Variants in TOP1 observed in about 807,000 individuals in gnomAD.
The protein encoded by TOP1 is DNA topoisomerase 1.
A neutral mutation model predicts 111.1 loss-of-function variants in TOP1; 10 were observed. The ratio of observed to expected loss-of-function variants is 0.09; its 90% CI spans 0.06 to 0.15. The LOEUF (loss-of-function observed/expected upper bound fraction) is 0.15. Among genes scored for constraint, TOP1 ranks in the 10% least tolerant of loss-of-function variants. The probability of loss-of-function intolerance (pLI) is 1.00; values close to 1 mark genes in which losing one functional copy is unlikely to be tolerated. For synonymous variants in TOP1, 271 were observed against 302.9 expected, an observed-to-expected ratio of 0.89 and a Z score of 1.10; for missense variants, 474 against 926.7, an observed-to-expected ratio of 0.51 and a Z score of 6.34.
rs763527089 is a variant in TOP1 at position 41,046,586 on chromosome 20, C to T, written c.59-14808C>T. ...AAGGGAAGCTTGCTTGCCTTTGCAG[C>T]AAAGCCCCCTGGATAGTTTATTTTT... is the stretch of plus-strand genomic sequence containing the variant. On this transcript the variant is annotated intron_variant, in intron 2 of 20. Transcript: ENST00000361337. The surrounding 1 kb of genome is among the most constrained non-coding windows in gnomAD (Gnocchi z 4.3). Among the ~76,000 whole-genome samples, 1 of 152,222 alleles carries T rather than the reference C, an allele frequency of 6.6e-6. No homozygotes were observed. The highest frequency in any genetic ancestry group is 1.5e-5 in the Non-Finnish European group (1 of 68,032).
Position 41,029,414 on chromosome 20 carries a change from T to C in TOP1, c.34-17T>C, listed in dbSNP as rs1301771713. ...AAAGTGGCTGTTGTTTGATATTCTC[T>C]CCTTTTCTTTTTCCAGATCGAAGCG... is the stretch of plus-strand genomic sequence containing the variant. On this transcript the variant is annotated splice_polypyrimidine_tract_variant and intron_variant, in intron 1 of 20. Coordinates refer to ENST00000361337, the MANE Select transcript of TOP1 (RefSeq NM_003286.4). This position sits in a 1 kb window ranked among gnomAD's most constrained non-coding sequence, Gnocchi z 6.1. 2 of 1,478,632 alleles carry C rather than the reference T, an allele frequency of 1.4e-6. No individual in the cohort carries two copies. The highest frequency in any genetic ancestry group is 2.9e-5 in the African/African-American group (2 of 68,396). The allele number at this position is 1,478,632 out of a possible 1,614,324, so 91.6% of individuals were successfully genotyped here.
chr20:41,029,137 G>T lies in TOP1; in HGVS notation c.33+37G>T. 1 of 1,437,834 alleles carries T rather than the reference G, an allele frequency of 7.0e-7. No individual in the cohort carries two copies. The highest frequency in any genetic ancestry group is 9.1e-7 in the Non-Finnish European group (1 of 1,094,720). 89.1% of individuals were successfully genotyped at this position (1,437,834 alleles called of 1,614,324 possible). On this transcript the variant is annotated intron_variant, in intron 1 of 20. Transcript: ENST00000361337. This position sits in a 1 kb window ranked among gnomAD's most constrained non-coding sequence, Gnocchi z 6.1. Reference sequence around the variant, plus strand: ...CCTGACCCTGGCGGCCCCGGACCCCGGCCTGGCCGTCCCGCGACCCCCGGC... The same window carrying T: ...CCTGACCCTGGCGGCCCCGGACCCCTGCCTGGCCGTCCCGCGACCCCCGGC...
At chr20:41,089,330 C>T (rs2033890238) in intron 8 of TOP1, among the ~76,000 whole-genome samples, 1 of 152,018 alleles carries the variant, frequency 6.6e-6, no homozygotes, top group East Asian at 1.9e-4. Context: ...CCAGCCTATT[C>T]CCCCAGTTCT....
chr20:41,051,217 GA>G (rs1193208338), intron 2 of TOP1, among the ~76,000 whole-genome samples: 1 of 152,166 alleles, frequency 6.6e-6, no homozygotes, highest in Non-Finnish European at 1.5e-5. Flanking sequence ...CACTTGACTT[GA>G]TGATTATCTT....
chr20:41,093,571 A>C (rs2033946045), intron 9 of TOP1, among the ~76,000 whole-genome samples: 1 of 151,024 alleles, frequency 6.6e-6, no homozygotes, highest in South Asian at 2.1e-4. Flanking sequence ...CCATTTCTCC[A>C]CCATTTTTCC....
At chr20:41,043,327 G>A (rs997053000) in intron 2 of TOP1, among the ~76,000 whole-genome samples, 3 of 152,162 alleles carry the variant, frequency 2.0e-5, no homozygotes, top group African/African-American at 7.2e-5. Flanking sequence ...CTTTCACAAG[G>A]AACCATGTAT....
rs778779449 is a variant in TOP1, at chr20:41,078,310, G to A, written c.335+673G>A. Among the ~76,000 whole-genome samples the A allele has an allele frequency of 3.9e-5, 6 of 152,088 alleles. No individual in the cohort carries two copies. The highest frequency in any genetic ancestry group is 2.1e-4 in the South Asian group (1 of 4,822). Reference sequence around the variant, plus strand: ...AAGCCCAGAGGTCCCCTCTAGTTTCGAAACAACTAGATGTTTATTGTTACA... The same window carrying A: ...AAGCCCAGAGGTCCCCTCTAGTTTCAAAACAACTAGATGTTTATTGTTACA... On this transcript the variant is annotated intron_variant, in intron 5 of 20. Coordinates refer to ENST00000361337, the MANE Select transcript of TOP1 (RefSeq NM_003286.4). The surrounding 1 kb of genome is among the most constrained non-coding windows in gnomAD (Gnocchi z 5.3).
intron 17 of TOP1, among the ~76,000 whole-genome samples, chr20:41,117,883 T>C (rs747750333): frequency 2.0e-5 from 3 of 152,094 alleles, no homozygotes; most frequent in African/African-American, 4.8e-5. Flanking sequence ...CCAAGTTCCC[T>C]GAGTAAAAAG....
In TOP1 at chr20:41,118,620, T is replaced by C. The variant is rs1012952839; in HGVS notation, c.1950+324T>C. 3.9e-5 allele frequency among the ~76,000 whole-genome samples: 6 copies of C among 152,168 alleles called. No homozygotes were observed. The highest frequency in any genetic ancestry group is 1.4e-4 in the African/African-American group (6 of 41,432). ...ATGAGGAAAGTGGATTTAAAGAGAG[T>C]CTTCATAATTCCTTGCTACAGCCCA... is the stretch of plus-strand genomic sequence containing the variant. On this transcript the variant is annotated intron_variant, in intron 18 of 20. Coordinates refer to ENST00000361337, the MANE Select transcript of TOP1 (RefSeq NM_003286.4). The surrounding 1 kb of genome is among the most constrained non-coding windows in gnomAD (Gnocchi z 4.6).
At position 41,112,505 on chromosome 20, in the gene TOP1, A is replaced by T. The variant is rs1476330256; in HGVS notation, c.1309-277A>T. ...GCATTCTTAACAGGTTAAATGTGCCAAACTCTCTCTTCAGTACTATTCTTT... is the reference window on the plus strand; with the variant it reads ...GCATTCTTAACAGGTTAAATGTGCCTAACTCTCTCTTCAGTACTATTCTTT... On this transcript the variant is annotated intron_variant, in intron 13 of 20. Transcript: ENST00000361337. This position sits in a 1 kb window ranked among gnomAD's most constrained non-coding sequence, Gnocchi z 5.8. 1.3e-5 allele frequency among the ~76,000 whole-genome samples: 2 copies of T among 152,260 alleles called. No individual in the cohort carries two copies. The highest frequency in any genetic ancestry group is 4.8e-5 in the African/African-American group (2 of 41,476).
chr20:41,073,145 G>A lies in TOP1; in HGVS notation c.156-3026G>A, dbSNP rs2145933121. 5.1e-6 allele frequency: 5 copies of A among 985,312 alleles called. No individual in the cohort carries two copies. In the South Asian group the frequency reaches 1.9e-4, roughly 37 times the overall value. 61.0% of individuals were successfully genotyped at this position (985,312 alleles called of 1,614,324 possible). On this transcript the variant is annotated intron_variant, in intron 3 of 20. Coordinates refer to ENST00000361337, the MANE Select transcript of TOP1 (RefSeq NM_003286.4). Reference sequence around the variant, plus strand: ...CCTGATCTCTGTTTGGTGTGATAATGTACAGCAAAGCTGAAAACCGCAGGG... The same window carrying A: ...CCTGATCTCTGTTTGGTGTGATAATATACAGCAAAGCTGAAAACCGCAGGG...
At position 41,083,621 on chromosome 20, in the gene TOP1, A is replaced by G. The variant is rs1340608717; in HGVS notation, c.508-841A>G. Among the ~76,000 whole-genome samples the G allele has an allele frequency of 6.6e-6, 1 of 152,182 alleles. No homozygotes were observed. Among genetic ancestry groups the G allele is most frequent in the African/African-American group, 2.4e-5 (1 of 41,454 alleles). ...GTGCCACTCTTTAATTGATTTTAAG[A>G]TGGTTCAAAACCACCTTTCATTGCT... On this transcript the variant is annotated intron_variant, in intron 7 of 20. Transcript: ENST00000361337. This position sits in a 1 kb window ranked among gnomAD's most constrained non-coding sequence, Gnocchi z 7.2.
At position 41,030,690 on chromosome 20, in the gene TOP1, C is replaced by T. The variant is rs2033108309; in HGVS notation, c.58+1235C>T. Among the ~76,000 whole-genome samples the T allele has an allele frequency of 6.6e-6, 1 of 152,132 alleles. No homozygotes were observed. Among genetic ancestry groups the T allele is most frequent in the African/African-American group, 2.4e-5 (1 of 41,436 alleles). The stretch of plus-strand genomic sequence containing the variant: ...GATTTTGATGGTACATAATCCTGCT[C>T]AATTGAGTTTGGGTTCCGGGAACCT... On this transcript the variant is annotated intron_variant, in intron 2 of 20. Coordinates refer to ENST00000361337, the MANE Select transcript of TOP1 (RefSeq NM_003286.4). The surrounding 1 kb of genome is among the most constrained non-coding windows in gnomAD (Gnocchi z 4.1).
At chr20:41,036,558 C>T (rs751590137) in intron 2 of TOP1, among the ~76,000 whole-genome samples, 27 of 152,188 alleles carry the variant, frequency 1.8e-4, no homozygotes, top group Non-Finnish European at 2.9e-4. Context: ...CTATTCTCAA[C>T]TGGATCTTTA....
Position 41,109,739 on chromosome 20 carries a change from T to C in TOP1, c.1309-3043T>C, listed in dbSNP as rs2034204353. Among the ~76,000 whole-genome samples the C allele has an allele frequency of 6.6e-6, 1 of 152,102 alleles. No homozygotes were observed. The highest frequency in any genetic ancestry group is 2.4e-5 in the African/African-American group (1 of 41,410). ...AGTGCTCGACATCACTAATTATCAG[T>C]GGAGTGAAGATTTAACCACAGGGAG... On this transcript the variant is annotated intron_variant, in intron 13 of 20. Transcript: ENST00000361337. The surrounding 1 kb of genome is among the most constrained non-coding windows in gnomAD (Gnocchi z 4.1).
intron 3 of TOP1, among the ~76,000 whole-genome samples, chr20:41,064,376 A>T (rs988888851): frequency 6.6e-6 from 1 of 152,196 alleles, no homozygotes; most frequent in African/African-American, 2.4e-5. Flanking sequence ...AAAATAGCTC[A>T]TACTTTGGAC....
At position 41,100,275 on chromosome 20, in the gene TOP1, AG is replaced by A. The variant is rs751681265; in HGVS notation, c.1163+37del. On this transcript the variant is annotated intron_variant, in intron 12 of 20. Transcript: ENST00000361337. This position sits in a 1 kb window ranked among gnomAD's most constrained non-coding sequence, Gnocchi z 4.4. The stretch of plus-strand genomic sequence containing the variant: ...TCGCACTTCATCCTATGGGCCAAAA[AG>A]GGGGTGGAGGGCGTCCTTTATTGTA... The A allele has an allele frequency of 1.9e-6, 3 of 1,568,418 alleles. No individual in the cohort carries two copies. The highest frequency in any genetic ancestry group is 2.6e-6 in the Non-Finnish European group (3 of 1,147,208).
rs758722055 is a variant in TOP1, at chr20:41,109,185, A to G, written c.1309-3597A>G. ...GATTAAAGGGCTAAATGTGAAGGAA[A>G]GTATCTTTACAATATTCATCTTGGG... On this transcript the variant is annotated intron_variant, in intron 13 of 20. Transcript: ENST00000361337. This position sits in a 1 kb window ranked among gnomAD's most constrained non-coding sequence, Gnocchi z 4.1. 2.7e-4 allele frequency among the ~76,000 whole-genome samples: 41 copies of G among 152,356 alleles called. No homozygotes were observed. The highest frequency in any genetic ancestry group is 5.1e-4 in the Non-Finnish European group (35 of 68,036).
chr20:41,077,441 A>T, intron 4 of TOP1, 141 bp from the exon 5 acceptor site: 1 of 646,136 alleles, frequency 1.5e-6, no homozygotes, highest in Non-Finnish European at 2.7e-6. Flanking sequence ...CAGGACCTTT[A>T]GTTCATCTGT....
Sources: allele counts gnomAD v4.1 joint callset (sites outside exome capture counted in the v4.1 genomes callset), GRCh38; gene constraint gnomAD v4.1.1; non-coding constraint Gnocchi (gnomAD v3.1); transcripts MANE v1.5; gene names NCBI Gene and HGNC (gene_info 2026-07-23, HGNC 2026-07-21).